Variants in ZSWIM5 observed in about 807,000 individuals in gnomAD.
The protein encoded by ZSWIM5 is zinc finger SWIM domain-containing protein 5.
Under a neutral mutation model 119.6 loss-of-function variants are expected in ZSWIM5, and 55 were observed. That is an observed-to-expected ratio of 0.46 (90% CI 0.37 to 0.58). ZSWIM5 has a LOEUF of 0.58. Ranked by LOEUF, ZSWIM5 falls within the 20% of genes least tolerant of loss-of-function variation. The pLI is 0.00. For missense variants in ZSWIM5, 1,193 were observed against 1,512.8 expected (o/e 0.79, Z 3.51); for synonymous variants, 537 against 606.9 (o/e 0.88, Z 1.69).
intron 1 of ZSWIM5, among the ~76,000 whole-genome samples, chr1:45,156,274 C>A (rs1270768531): frequency 6.6e-6 from 1 of 150,940 alleles, no homozygotes; most frequent in Admixed American, 6.6e-5. Context: ...ATATTAGACA[C>A]TGGGGATTAC....
intron 1 of ZSWIM5, among the ~76,000 whole-genome samples, chr1:45,204,719 T>C (rs961542558): frequency 1.3e-5 from 2 of 152,174 alleles, no homozygotes; most frequent in African/African-American, 4.8e-5. Context: ...TCAACTCCTT[T>C]CAAAAATCAG....
chr1:45,162,303 C>T (rs1645868435), intron 1 of ZSWIM5, among the ~76,000 whole-genome samples: 1 of 152,154 alleles, frequency 6.6e-6, no homozygotes, highest in South Asian at 2.1e-4. Context: ...ACCAGCCTGG[C>T]CAACATAGTG....
intron 1 of ZSWIM5, among the ~76,000 whole-genome samples, chr1:45,138,772 G>A (rs1645705824): frequency 6.6e-6 from 1 of 152,146 alleles, no homozygotes; most frequent in Admixed American, 6.5e-5. Flanking sequence ...AATCTCATGA[G>A]TGATTCTCCT....
chr1:45,050,850 A>T (rs7517524), intron 5 of ZSWIM5, among the ~76,000 whole-genome samples: 22,738 of 152,162 alleles, frequency 0.15, 2,166 homozygotes, highest in African/African-American at 0.26. Flanking sequence ...TGGGCACTGT[A>T]AGGACACTCT....
chr1:45,116,045 G>A (rs555444773), intron 1 of ZSWIM5, among the ~76,000 whole-genome samples: 127 of 152,120 alleles, frequency 8.3e-4, no homozygotes, highest in Middle Eastern at 3.4e-3. Context: ...GCAGTGAGCC[G>A]AGATGGCGGC....
intron 2 of ZSWIM5, among the ~76,000 whole-genome samples, chr1:45,081,873 T>C (rs1430350266): frequency 6.6e-6 from 1 of 152,048 alleles, no homozygotes; most frequent in African/African-American, 2.4e-5. Context: ...ATGGCGGCTT[T>C]GTGGAATAGA....
chr1:45,100,265 G>A (rs1012477397), intron 1 of ZSWIM5, among the ~76,000 whole-genome samples: 5 of 151,934 alleles, frequency 3.3e-5, no homozygotes, highest in Non-Finnish European at 7.4e-5. Flanking sequence ...CAGACAAACA[G>A]AGAGCCAAAT....
chr1:45,043,864 G>A (rs964194924), intron 5 of ZSWIM5, among the ~76,000 whole-genome samples: 1 of 152,072 alleles, frequency 6.6e-6, no homozygotes, highest in African/African-American at 2.4e-5. Flanking sequence ...ATCAGACCAA[G>A]GACTTTCATG....
At chr1:45,053,818 T>C (rs1275319323) in intron 4 of ZSWIM5, among the ~76,000 whole-genome samples, 1 of 146,338 alleles carries the variant, frequency 6.8e-6, no homozygotes, top group African/African-American at 2.5e-5. Context: ...TACTTTCACC[T>C]ATAAGTTACA....
intron 1 of ZSWIM5, among the ~76,000 whole-genome samples, chr1:45,135,634 A>T (rs1259194715): frequency 2.0e-5 from 3 of 152,224 alleles, no homozygotes; most frequent in Non-Finnish European, 4.4e-5. Flanking sequence ...AAAGAGACAC[A>T]TGTCTACTAA....
chr1:45,044,777 A>T (rs1280679341), intron 5 of ZSWIM5, among the ~76,000 whole-genome samples: 1 of 1,874 alleles, frequency 5.3e-4, no homozygotes, highest in African/African-American at 1.4e-3. Flanking sequence ...ATATATATAA[A>T]TATATATATA....
chr1:45,028,767 TA>T (rs113568588), intron 11 of ZSWIM5, among the ~76,000 whole-genome samples: 10,302 of 149,608 alleles, frequency 0.069, 399 homozygotes, highest in East Asian at 0.12. Context: ...AAAATAAAAA[TA>T]AAAAAAAATA....
intron 1 of ZSWIM5, among the ~76,000 whole-genome samples, chr1:45,191,197 T>G (rs1423367046): frequency 1.3e-5 from 2 of 151,500 alleles, no homozygotes; most frequent in Non-Finnish European, 2.9e-5. Context: ...CCTCCCAAAG[T>G]GCTGGGATTA....
intron 2 of ZSWIM5, among the ~76,000 whole-genome samples, chr1:45,065,092 A>G (rs1231168080): frequency 6.6e-6 from 1 of 152,228 alleles, no homozygotes; most frequent in African/African-American, 2.4e-5. Flanking sequence ...ATTAATATAC[A>G]AAATAATTAC....
intron 1 of ZSWIM5, among the ~76,000 whole-genome samples, chr1:45,149,209 G>A (rs1223281261): frequency 6.6e-6 from 1 of 152,024 alleles, no homozygotes; most frequent in Non-Finnish European, 1.5e-5. Flanking sequence ...GGCTGCAGTG[G>A]GCTAGGATCG....
chr1:45,034,503 C>A, intron 10 of ZSWIM5, 34 bp from the exon 11 acceptor site: 1 of 1,565,038 alleles, frequency 6.4e-7, no homozygotes, highest in South Asian at 1.2e-5. Flanking sequence ...CAGCCACCAT[C>A]CAGACCCTGG....
chr1:45,105,152 G>A (rs1645462392), intron 1 of ZSWIM5, among the ~76,000 whole-genome samples: 1 of 152,084 alleles, frequency 6.6e-6, no homozygotes, highest in Admixed American at 6.5e-5. Flanking sequence ...GGGTTTCACC[G>A]TGTTGACCAG....
intron 2 of ZSWIM5, chr1:45,070,550 G>T: frequency 2.0e-6 from 1 of 497,174 alleles, no homozygotes; most frequent in Non-Finnish European, 3.5e-6. Flanking sequence ...CTTTGCATTT[G>T]TTTTTGTAGT....
chr1:45,080,831 G>A (rs1446284059), intron 2 of ZSWIM5, among the ~76,000 whole-genome samples: 1 of 152,160 alleles, frequency 6.6e-6, no homozygotes, highest in Non-Finnish European at 1.5e-5. Flanking sequence ...ATCACAAATA[G>A]GGCATAGAGT....
Sources: allele counts gnomAD v4.1 joint callset (sites outside exome capture counted in the v4.1 genomes callset), GRCh38; gene constraint gnomAD v4.1.1; transcripts MANE v1.5; gene names NCBI Gene and HGNC (gene_info 2026-07-23, HGNC 2026-07-21).